THSD4: variants seen among roughly 807,000 people sequenced by gnomAD.
THSD4 encodes thrombospondin type 1 domain containing 4.
A neutral mutation model predicts 119.0 loss-of-function variants in THSD4; 69 were observed. That is an observed-to-expected ratio of 0.58 (90% CI 0.48 to 0.71). THSD4 has a LOEUF of 0.71. THSD4 is among the 30% of genes least tolerant of loss of function. The pLI is 0.00. For missense variants in THSD4, 1,393 were observed against 1,391.1 expected, an observed-to-expected ratio of 1.00 and a Z score of -0.02; for synonymous variants, 524 against 540.4, an observed-to-expected ratio of 0.97 and a Z score of 0.42.
upstream of THSD4, chr15:71,112,212 T>C (rs776793608): frequency 3.1e-6 from 5 of 1,613,474 alleles, no homozygotes; most frequent in East Asian, 2.2e-5. Context: ...TCTGTGGGTG[T>C]GGCTGTAGGC....
chr15:71,642,466 C>G (rs886368708), intron 7 of THSD4, among the ~76,000 whole-genome samples: 1 of 151,962 alleles, frequency 6.6e-6, no homozygotes, highest in Admixed American at 6.6e-5. Context: ...ACCCAAAGGA[C>G]TATAAATCAT....
chr15:71,366,482 C>G (rs1249694852), intron 6 of THSD4, among the ~76,000 whole-genome samples: 1 of 152,174 alleles, frequency 6.6e-6, no homozygotes, highest in Non-Finnish European at 1.5e-5. Flanking sequence ...CTCCTCCTCT[C>G]ATGGGCTCTT....
intron 4 of THSD4, among the ~76,000 whole-genome samples, chr15:71,232,168 A>T (rs887881543): frequency 6.6e-6 from 1 of 152,140 alleles, no homozygotes; most frequent in African/African-American, 2.4e-5. Flanking sequence ...CTAGGTAGCC[A>T]CTGGCTGCTG....
intron 7 of THSD4, among the ~76,000 whole-genome samples, chr15:71,636,199 A>G (rs2050735736): frequency 6.6e-6 from 1 of 152,212 alleles, no homozygotes; most frequent in Admixed American, 6.5e-5. Flanking sequence ...AGGCGGGTGG[A>G]TCACTTGGGG....
intron 6 of THSD4, among the ~76,000 whole-genome samples, chr15:71,309,680 CA>C (rs1392472481): frequency 2.6e-5 from 4 of 152,190 alleles, no homozygotes; most frequent in Non-Finnish European, 4.4e-5. Context: ...GAAAGTGGTC[CA>C]ACTTCATTCT....
chr15:71,688,693 T>C (rs2051972185), intron 8 of THSD4, among the ~76,000 whole-genome samples: 1 of 140,216 alleles, frequency 7.1e-6, no homozygotes, highest in Non-Finnish European at 1.5e-5. Context: ...GAGGTTTTTT[T>C]TTGTTTTGTA....
At chr15:71,185,613 A>T (rs1289042247) in intron 3 of THSD4, 1 of 151,890 alleles carries the variant, frequency 6.6e-6, no homozygotes, top group Non-Finnish European at 1.5e-5. Context: ...TTGTTTGAGA[A>T]TATTTCTGAG....
intron 8 of THSD4, among the ~76,000 whole-genome samples, chr15:71,716,815 C>G (rs765501164): frequency 6.6e-6 from 1 of 152,152 alleles, no homozygotes; most frequent in African/African-American, 2.4e-5. Context: ...ATGCTTCTTT[C>G]CTCATGTGTT....
At chr15:71,164,660 C>G in intron 3 of THSD4, 1 of 1,510,430 alleles carries the variant, frequency 6.6e-7, no homozygotes, top group South Asian at 1.4e-5. Flanking sequence ...AGTTTAAAAA[C>G]AAATCTTACA....
At chr15:71,683,141 C>T (rs1052446439) in intron 8 of THSD4, among the ~76,000 whole-genome samples, 3 of 151,780 alleles carry the variant, frequency 2.0e-5, no homozygotes, top group African/African-American at 7.3e-5. Context: ...AGGCTGGCCT[C>T]GAACTCCTGG....
In THSD4 at chr15:71,416,746, GTTTTATTTTATTTTATTTTATTTTA is replaced by G. The variant is rs370499335; in HGVS notation, c.1152+4928_1152+4952del. Reference sequence around the variant, plus strand: ...GTTTTGTTTTGTTTTGTTTTGTTTTGTTTTATTTTATTTTATTTTATTTTATTTTCGAGATGGAGTCTCACTCTAT... The same window carrying G: ...GTTTTGTTTTGTTTTGTTTTGTTTTGTTTTCGAGATGGAGTCTCACTCTAT... On this transcript the variant is annotated intron_variant, in intron 7 of 17. Transcript: ENST00000261862. Among the ~76,000 whole-genome samples the G allele has an allele frequency of 7.7e-3, 128 of 16,550 alleles. 37 individuals are homozygous for G. In the East Asian group the frequency reaches 0.17, roughly 23 times the overall value. 10.9% of individuals were successfully genotyped at this position (16,550 alleles called of 152,430 possible).
chr15:71,712,589 A>G (rs2052538185), intron 8 of THSD4, among the ~76,000 whole-genome samples: 3 of 152,210 alleles, frequency 2.0e-5, no homozygotes, highest in Admixed American at 2.0e-4. Flanking sequence ...AGACAGAAAA[A>G]CAATAGAGAA....
intron 7 of THSD4, among the ~76,000 whole-genome samples, chr15:71,635,821 A>G (rs1156723077): frequency 6.6e-6 from 1 of 152,242 alleles, no homozygotes; most frequent in African/African-American, 2.4e-5. Flanking sequence ...CTTTAAAAGA[A>G]TGCATTTTCA....
intron 6 of THSD4, among the ~76,000 whole-genome samples, chr15:71,264,418 A>G (rs1346413536): frequency 1.3e-5 from 2 of 152,214 alleles, no homozygotes; most frequent in Non-Finnish European, 2.9e-5. Flanking sequence ...GCCAGGGGAT[A>G]CCTGGCAAGA....
At chr15:71,127,653 C>A (rs1421704277) in intron 1 of THSD4, among the ~76,000 whole-genome samples, 1 of 152,178 alleles carries the variant, frequency 6.6e-6, no homozygotes, top group Non-Finnish European at 1.5e-5. Flanking sequence ...ATTTGCATTT[C>A]CCTAAAGGTT....
At chr15:71,520,206 G>A (rs1012489713) in intron 7 of THSD4, among the ~76,000 whole-genome samples, 4 of 152,190 alleles carry the variant, frequency 2.6e-5, no homozygotes, top group African/African-American at 9.6e-5. Flanking sequence ...TGGAAAGTTG[G>A]AGGGGTTGTC....
intron 9 of THSD4, chr15:71,730,416 C>T (rs17737742): frequency 0.16 from 23,662 of 152,150 alleles, 2,164 homozygotes; most frequent in Middle Eastern, 0.22. Context: ...TAGGGAGGGA[C>T]GTATTCTGTT....
intron 7 of THSD4, among the ~76,000 whole-genome samples, chr15:71,585,581 G>A (rs1292233936): frequency 2.6e-5 from 4 of 151,892 alleles, no homozygotes; most frequent in Non-Finnish European, 4.4e-5. Flanking sequence ...CAGTCTGTTC[G>A]GGGTTACTTG....
chr15:71,723,993 T>G (rs1471900816), intron 8 of THSD4, among the ~76,000 whole-genome samples: 2 of 147,564 alleles, frequency 1.4e-5, no homozygotes, highest in African/African-American at 5.0e-5. Flanking sequence ...GAGGAGGAGG[T>G]TGCAGTGAGC....
Sources: allele counts gnomAD v4.1 joint callset (sites outside exome capture counted in the v4.1 genomes callset), GRCh38; gene constraint gnomAD v4.1.1; transcripts MANE v1.5; gene names NCBI Gene and HGNC (gene_info 2026-07-23, HGNC 2026-07-21).